LRRC8D: variants seen among roughly 807,000 people sequenced by gnomAD.
LRRC8D encodes the protein leucine rich repeat containing 8 VRAC subunit D, also known as volume-regulated anion channel subunit LRRC8D.
Under a neutral mutation model 55.8 loss-of-function variants are expected in LRRC8D, and 20 were observed. That is an observed-to-expected ratio of 0.36 (90% CI 0.25 to 0.52). The LOEUF is 0.52. Among genes scored for constraint, LRRC8D ranks in the 20% least tolerant of loss-of-function variants. The probability of loss-of-function intolerance (pLI) is 0.93; values close to 1 mark genes in which losing one functional copy is unlikely to be tolerated. For missense variants in LRRC8D, 651 were observed against 1,030.8 expected (o/e 0.63, Z 5.05); for synonymous variants, 352 against 377.0 (o/e 0.93, Z 0.77).
chr1:89,824,145 A>G (rs114612779), intron 1 of LRRC8D, among the ~76,000 whole-genome samples: 22 of 152,328 alleles, frequency 1.4e-4, no homozygotes, highest in African/African-American at 5.3e-4. Flanking sequence ...CCTACTGTGC[A>G]CAGGACATCA....
At chr1:89,888,651 A>T (rs1021935471) in intron 2 of LRRC8D, among the ~76,000 whole-genome samples, 10 of 152,202 alleles carry the variant, frequency 6.6e-5, no homozygotes, top group Non-Finnish European at 1.3e-4. Flanking sequence ...GCCGAATGAC[A>T]GATTCCAGAT....
intron 2 of LRRC8D, among the ~76,000 whole-genome samples, chr1:89,898,488 T>C (rs1035485459): frequency 2.0e-5 from 3 of 152,214 alleles, no homozygotes; most frequent in African/African-American, 7.2e-5. Context: ...TCATTTGCTG[T>C]GGATCACATA....
intron 2 of LRRC8D, among the ~76,000 whole-genome samples, chr1:89,878,240 C>G (rs757317081): frequency 2.6e-5 from 4 of 152,164 alleles, no homozygotes; most frequent in Non-Finnish European, 4.4e-5. Flanking sequence ...TCTGAGACAG[C>G]AGTGATGTGA....
intron 1 of LRRC8D, among the ~76,000 whole-genome samples, chr1:89,836,866 G>A (rs1005848372): frequency 6.6e-6 from 1 of 152,172 alleles, no homozygotes; most frequent in Non-Finnish European, 1.5e-5. Context: ...CCAAATTAAT[G>A]TTATGTGCAA....
intron 1 of LRRC8D, among the ~76,000 whole-genome samples, chr1:89,824,222 A>G (rs1660712110): frequency 6.6e-6 from 1 of 152,190 alleles, no homozygotes; most frequent in Non-Finnish European, 1.5e-5. Flanking sequence ...CTTAGATCTC[A>G]GAATAGGTCT....
At position 89,830,271 on chromosome 1, in the gene LRRC8D, A is replaced by G. The variant is rs141463973; in HGVS notation, c.-148+8980A>G. Among the ~76,000 whole-genome samples, 318 of 152,320 alleles carry G rather than the reference A, an allele frequency of 2.1e-3. 1 individual carries two copies. The highest frequency in any genetic ancestry group is 3.9e-3 in the Non-Finnish European group (265 of 68,022). ...TTATTTATCTTAACATTTAGCCAGTAATAAAGTACAAATTGGGAACTGGGC... is the reference window on the plus strand; with the variant it reads ...TTATTTATCTTAACATTTAGCCAGTGATAAAGTACAAATTGGGAACTGGGC... On this transcript the variant is annotated intron_variant, in intron 1 of 2. Coordinates refer to ENST00000337338, the MANE Select transcript of LRRC8D (RefSeq NM_001134479.2).
intron 2 of LRRC8D, among the ~76,000 whole-genome samples, chr1:89,921,108 A>G (rs1663406392): frequency 6.6e-6 from 1 of 152,234 alleles, no homozygotes; most frequent in Non-Finnish European, 1.5e-5. Flanking sequence ...TCATGCCTGT[A>G]ATCCCAACAC....
intron 2 of LRRC8D, among the ~76,000 whole-genome samples, chr1:89,850,475 A>T (rs1230312743): frequency 6.6e-6 from 1 of 152,096 alleles, no homozygotes; most frequent in Non-Finnish European, 1.5e-5. Flanking sequence ...CTATGTGTCC[A>T]TGTGTTCTCA....
intron 2 of LRRC8D, among the ~76,000 whole-genome samples, chr1:89,854,346 T>C (rs1661497471): frequency 6.6e-6 from 1 of 151,750 alleles, no homozygotes; most frequent in South Asian, 2.1e-4. Context: ...GGCCCAGTTG[T>C]AGTTTTGTCA....
chr1:89,855,977 T>C (rs1382887934), intron 2 of LRRC8D, among the ~76,000 whole-genome samples: 1 of 152,086 alleles, frequency 6.6e-6, no homozygotes, highest in Non-Finnish European at 1.5e-5. Flanking sequence ...GTTTGTTTTG[T>C]TGCCTGTGGC....
intron 2 of LRRC8D, among the ~76,000 whole-genome samples, chr1:89,890,307 T>C (rs1041808407): frequency 2.0e-5 from 3 of 152,222 alleles, no homozygotes; most frequent in African/African-American, 4.8e-5. Context: ...TGTTGATTGA[T>C]GCTCTTGATA....
intron 2 of LRRC8D, among the ~76,000 whole-genome samples, chr1:89,891,934 C>G (rs566594292): frequency 7.9e-5 from 12 of 152,306 alleles, no homozygotes; most frequent in Non-Finnish European, 1.3e-4. Flanking sequence ...TGGGTTCTCT[C>G]ACTCCATACT....
rs780291264 is a variant in LRRC8D at position 89,898,967 on chromosome 1, G to A, written c.-2-34100G>A. The stretch of plus-strand genomic sequence containing the variant: ...TGTTTACTTAAGTGTTTTAAATGTC[G>A]CTGGATGTAAAGGAAAGGAAAGTTC... On this transcript the variant is annotated intron_variant, in intron 2 of 2. Transcript: ENST00000337338. 4.6e-5 allele frequency among the ~76,000 whole-genome samples: 7 copies of A among 152,276 alleles called. No homozygotes were observed. In the East Asian group the frequency reaches 7.7e-4, roughly 17 times the overall value.
intron 2 of LRRC8D, among the ~76,000 whole-genome samples, chr1:89,920,712 A>C (rs1285031109): frequency 6.6e-6 from 1 of 151,898 alleles, no homozygotes; most frequent in African/African-American, 2.4e-5. Flanking sequence ...AAAAAAAAAA[A>C]AAAACTAAAT....
Position 89,933,029 on chromosome 1 carries a change from A to G in LRRC8D, c.-2-38A>G. On this transcript the variant is annotated intron_variant, in intron 2 of 2. Coordinates refer to ENST00000337338, the MANE Select transcript of LRRC8D (RefSeq NM_001134479.2). This position sits in a 1 kb window ranked among gnomAD's most constrained non-coding sequence, Gnocchi z 7.0. ...TTTCTCATTTACTCTTTTCATTTGC[A>G]TCTCTAGAATAATGTCTTTTGTCTT... 6.4e-7 allele frequency: 1 copy of G among 1,559,704 alleles called. No homozygotes were observed. Among genetic ancestry groups the G allele is most frequent in the South Asian group, 1.2e-5 (1 of 83,724 alleles).
At chr1:89,894,493 G>A (rs114366027) in intron 2 of LRRC8D, among the ~76,000 whole-genome samples, 129 of 152,292 alleles carry the variant, frequency 8.5e-4, no homozygotes, top group African/African-American at 3.0e-3. Context: ...AAATTGAGAT[G>A]CTCCCTTAAA....
At position 89,933,611 on chromosome 1, in the gene LRRC8D, C is replaced by T; in HGVS notation, c.543C>T (p.Asn181=). 1 of 1,614,142 alleles carries T rather than the reference C, an allele frequency of 6.2e-7. No individual in the cohort carries two copies. Among genetic ancestry groups the T allele is most frequent in the Non-Finnish European group, 8.5e-7 (1 of 1,180,010 alleles). Reference sequence around the variant, plus strand: ...CTATTATTCTCATGGTCAGTAGCAACTTTTGGTTCAAATATCCCAAAACAT... The same window carrying T: ...CTATTATTCTCATGGTCAGTAGCAATTTTTGGTTCAAATATCCCAAAACAT... ...IHTIILMVSS[N]FWFKYPKTCS... is the part of the protein sequence containing the mutation. The change falls in exon 3 of 3, where the codon AAC becomes AAT. Residue 181 remains asparagine, a synonymous_variant. Coordinates refer to ENST00000337338, the MANE Select transcript of LRRC8D (RefSeq NM_001134479.2). The surrounding 1 kb of genome is among the most constrained non-coding windows in gnomAD (Gnocchi z 7.0).
At chr1:89,929,784 T>C (rs1663654006) in intron 2 of LRRC8D, 1 of 152,314 alleles carries the variant, frequency 6.6e-6, no homozygotes, top group South Asian at 2.1e-4. Flanking sequence ...CATTACTGAA[T>C]ATCAGTCCTT....
At chr1:89,860,510 A>G (rs1351139282) in intron 2 of LRRC8D, among the ~76,000 whole-genome samples, 4 of 151,930 alleles carry the variant, frequency 2.6e-5, no homozygotes, top group Non-Finnish European at 2.9e-5. Context: ...CTGTAATCCT[A>G]GCACTTTGTG....
Sources: allele counts gnomAD v4.1 joint callset (sites outside exome capture counted in the v4.1 genomes callset), GRCh38; gene constraint gnomAD v4.1.1; non-coding constraint Gnocchi (gnomAD v3.1); transcripts MANE v1.5; gene names NCBI Gene and HGNC (gene_info 2026-07-23, HGNC 2026-07-21).